Variants in PDXK observed in about 807,000 individuals in gnomAD.
The protein encoded by PDXK is pyridoxal kinase.
Under a neutral mutation model 43.2 loss-of-function variants are expected in PDXK, and 15 were observed. The observed-to-expected ratio is 0.35, with a 90% CI of 0.23 to 0.53. The LOEUF is 0.53. Among genes scored for constraint, PDXK ranks in the 20% least tolerant of loss-of-function variants. The pLI is 0.92. For missense variants in PDXK, 343 were observed against 417.0 expected, an observed-to-expected ratio of 0.82 and a Z score of 1.54; for synonymous variants, 172 against 165.4, an observed-to-expected ratio of 1.04 and a Z score of -0.31.
At chr21:43,752,254 C>T (rs1310610755) in intron 7 of PDXK, among the ~76,000 whole-genome samples, 2 of 152,248 alleles carry the variant, frequency 1.3e-5, no homozygotes, top group African/African-American at 4.8e-5. Flanking sequence ...TCTGTCCACC[C>T]CCCAAGGGGG....
At chr21:43,728,788 G>T (rs1179478472) in intron 1 of PDXK, 1 of 985,796 alleles carries the variant, frequency 1.0e-6, no homozygotes, top group Non-Finnish European at 1.2e-6. Context: ...CGGGCGGCAG[G>T]GGGAAGGGAG....
intron 1 of PDXK, among the ~76,000 whole-genome samples, chr21:43,731,650 G>A (rs1282427952): frequency 1.3e-5 from 2 of 150,930 alleles, no homozygotes; most frequent in African/African-American, 2.5e-5. Flanking sequence ...CCGGGTGGGA[G>A]GTGAGTGTTG....
chr21:43,733,757 G>A (rs1055321953), intron 1 of PDXK: 12 of 933,140 alleles, frequency 1.3e-5, no homozygotes, highest in Non-Finnish European at 1.8e-5. Context: ...CTTTCGCTGG[G>A]TGCGATTTCT....
rs2083221925 is a variant in PDXK, at chr21:43,723,153, CTTTCT to C, written c.87+3776_87+3780del. Among the ~76,000 whole-genome samples, 2 of 143,000 alleles carry C rather than the reference CTTTCT, an allele frequency of 1.4e-5. No individual in the cohort carries two copies. The highest frequency in any genetic ancestry group is 5.8e-5 in the African/African-American group (2 of 34,562). 93.8% of individuals were successfully genotyped at this position (143,000 alleles called of 152,430 possible). A position where few individuals can be genotyped will look rare whatever the true frequency, so the allele number is the denominator to read the frequency against. On this transcript the variant is annotated intron_variant, in intron 1 of 10. Coordinates refer to ENST00000291565, the MANE Select transcript of PDXK (RefSeq NM_003681.5). This position sits in a 1 kb window ranked among gnomAD's most constrained non-coding sequence, Gnocchi z 4.1. ...CACGCCTGGCCTTCTTTTTCTTTTT[CTTTCT>C]TTTTTTTTTTTTTGAGACGAGGGTC...
intron 4 of PDXK, chr21:43,744,797 G>A (rs2083608087): frequency 6.6e-6 from 1 of 152,260 alleles, no homozygotes; most frequent in African/African-American, 2.4e-5. Context: ...ACAGACTCAA[G>A]CGGATGTGCG....
At chr21:43,751,622 G>A (rs953294822) in intron 7 of PDXK, among the ~76,000 whole-genome samples, 7 of 152,224 alleles carry the variant, frequency 4.6e-5, no homozygotes, top group Non-Finnish European at 1.0e-4. Flanking sequence ...GAAGTCCAAG[G>A]TCAAGGCACT....
At chr21:43,751,423 C>G (rs2083749313) in intron 7 of PDXK, among the ~76,000 whole-genome samples, 1 of 152,170 alleles carries the variant, frequency 6.6e-6, no homozygotes, top group South Asian at 2.1e-4. Flanking sequence ...GTGGTGCACG[C>G]CTATAATCCC....
At chr21:43,721,516 G>A (rs968575953) in intron 1 of PDXK, among the ~76,000 whole-genome samples, 18 of 152,246 alleles carry the variant, frequency 1.2e-4, no homozygotes, top group Admixed American at 9.8e-4. Flanking sequence ...CTGGAGAGGC[G>A]CCTTATGGGG....
intron 1 of PDXK, among the ~76,000 whole-genome samples, chr21:43,731,507 T>G (rs2083317551): frequency 6.6e-6 from 1 of 152,188 alleles, no homozygotes; most frequent in Non-Finnish European, 1.5e-5. Context: ...TAAAACAAGG[T>G]GATTCACATA....
intron 8 of PDXK, among the ~76,000 whole-genome samples, chr21:43,753,333 C>T (rs1020584887): frequency 1.3e-5 from 2 of 152,010 alleles, no homozygotes; most frequent in Non-Finnish European, 2.9e-5. Flanking sequence ...TCGTTACTCT[C>T]GGGAGTTTCA....
chr21:43,748,980 T>C lies in PDXK; in HGVS notation c.379-15T>C. 6.4e-7 allele frequency: 1 copy of C among 1,552,038 alleles called. No homozygotes were observed. Among genetic ancestry groups the C allele is most frequent in the Non-Finnish European group, 8.9e-7 (1 of 1,125,744 alleles). On this transcript the variant is annotated splice_polypyrimidine_tract_variant and intron_variant, in intron 5 of 10. Coordinates refer to ENST00000291565, the MANE Select transcript of PDXK (RefSeq NM_003681.5). ...CGGTGACTCAGCCTCTCCTCCTGTCTCCTTTGTTGGCCAGTACGTCCCGGA... is the reference window on the plus strand; with the variant it reads ...CGGTGACTCAGCCTCTCCTCCTGTCCCCTTTGTTGGCCAGTACGTCCCGGA...
At chr21:43,720,025 G>T (rs904580947) in intron 1 of PDXK, 4 of 712,212 alleles carry the variant, frequency 5.6e-6, no homozygotes, top group Non-Finnish European at 6.9e-6. Context: ...TTGCTCTGAC[G>T]AGGAGAAGCC....
chr21:43,719,362 C>A lies in PDXK; in HGVS notation c.68C>A (p.Ala23Glu). ...ATCCGCGGCTACGTGGGCAACCGGG[C>A]GGCCACGTTCCCGCTGCAGGTACGC... Reference protein sequence around the residue: ...HVIRGYVGNRAATFPLQVLGF... With the variant: ...HVIRGYVGNREATFPLQVLGF... Residue 23 changes from alanine to glutamate, a missense_variant, in exon 1 of 11, where the codon GCG (alanine) becomes GAG (glutamate). Ala to Glu is a moderately radical substitution (Grantham distance 107, BLOSUM62 -1). Coordinates refer to ENST00000291565, the MANE Select transcript of PDXK (RefSeq NM_003681.5). 1 of 1,524,368 alleles carries A rather than the reference C, an allele frequency of 6.6e-7. No homozygotes were observed. The highest frequency in any genetic ancestry group is 8.8e-7 in the Non-Finnish European group (1 of 1,136,986). 94.4% of individuals were successfully genotyped at this position (1,524,368 alleles called of 1,614,324 possible). A position where few individuals can be genotyped will look rare whatever the true frequency, so the allele number is the denominator to read the frequency against.
At chr21:43,727,672 G>A (rs2083267940) in intron 1 of PDXK, among the ~76,000 whole-genome samples, 1 of 152,222 alleles carries the variant, frequency 6.6e-6, no homozygotes, top group African/African-American at 2.4e-5. Context: ...GCTGTGCATG[G>A]GAGCGAGTTC....
rs2083221887 is a variant in PDXK at position 43,723,153 on chromosome 21, C to CT, written c.87+3775dup. Among the ~76,000 whole-genome samples, 1 of 143,002 alleles carries CT rather than the reference C, an allele frequency of 7.0e-6. No individual in the cohort carries two copies. The highest frequency in any genetic ancestry group is 2.1e-4 in the South Asian group (1 of 4,738). The allele number at this position is 143,002 out of a possible 152,430, so 93.8% of individuals were successfully genotyped here. On this transcript the variant is annotated intron_variant, in intron 1 of 10. Transcript: ENST00000291565. The surrounding 1 kb of genome is among the most constrained non-coding windows in gnomAD (Gnocchi z 4.1). ...CACGCCTGGCCTTCTTTTTCTTTTT[C>CT]TTTCTTTTTTTTTTTTTTGAGACGA...
chr21:43,760,857 T>TG lies in PDXK; in HGVS notation c.*4795dup. 6.6e-6 allele frequency: 1 copy of TG among 152,380 alleles called. No homozygotes were observed. Among genetic ancestry groups the TG allele is most frequent in the Admixed American group, 6.5e-5 (1 of 15,306 alleles). 9.4% of individuals were successfully genotyped at this position (152,380 alleles called of 1,614,324 possible). ...CTCCTGCTGGGGGCTTTCTGTCGCA[T>TG]GTGTGTCTCCTGTCGACTCTGCAGT... On this transcript the variant is annotated 3_prime_UTR_variant, in exon 11 of 11. Transcript: ENST00000291565.
At position 43,756,152 on chromosome 21, in the gene PDXK, G is replaced by A. The variant is rs949639279; in HGVS notation, c.*89G>A. On this transcript the variant is annotated 3_prime_UTR_variant, in exon 11 of 11. Transcript: ENST00000291565. ...CATGTAACGTCTGCCTTAGAGCCAT[G>A]ACCGAAACTTGATATTTTTTTCTTT... 4.7e-5 allele frequency: 34 copies of A among 720,794 alleles called. No individual in the cohort carries two copies. The African/African-American group carries it at 4.8e-4, about 10-fold the overall frequency. The allele number at this position is 720,794 out of a possible 1,614,324, so 44.6% of individuals were successfully genotyped here. A position where few individuals can be genotyped will look rare whatever the true frequency, so the allele number is the denominator to read the frequency against.
At chr21:43,730,006 T>C (rs2083297609) in intron 1 of PDXK, among the ~76,000 whole-genome samples, 1 of 152,032 alleles carries the variant, frequency 6.6e-6, no homozygotes, top group South Asian at 2.1e-4. Context: ...CACGGCGGCC[T>C]AATAAGACCA....
intron 8 of PDXK, among the ~76,000 whole-genome samples, chr21:43,753,187 TAC>T (rs369374015): frequency 1.3e-5 from 2 of 151,706 alleles, no homozygotes; most frequent in African/African-American, 2.4e-5. Flanking sequence ...CATGCACACA[TAC>T]ACACGGGCAC....
Sources: gnomAD v4.1 joint callset for allele counts (sites outside exome capture counted in the v4.1 genomes callset) on GRCh38, gnomAD v4.1.1 for gene constraint, Gnocchi (gnomAD v3.1) non-coding constraint, MANE v1.5 for transcripts, NCBI Gene and HGNC (gene_info 2026-07-23, HGNC 2026-07-21) for gene names.